Variants in GABRB1 observed in about 807,000 individuals in gnomAD.
GABRB1 encodes the protein gamma-aminobutyric acid type A receptor subunit beta1, also known as gamma-aminobutyric acid receptor subunit beta-1.
Under a neutral mutation model 51.6 loss-of-function variants are expected in GABRB1, and 17 were observed. That is an observed-to-expected ratio of 0.33 (90% CI 0.23 to 0.49). The LOEUF (loss-of-function observed/expected upper bound fraction) is 0.49, where lower values mean the gene tolerates loss of function less well. GABRB1 is among the 20% of genes least tolerant of loss of function. GABRB1 has a pLI of 0.99. For synonymous variants in GABRB1, 247 were observed against 218.9 expected, an observed-to-expected ratio of 1.13 and a Z score of -1.14; for missense variants, 410 against 600.6, an observed-to-expected ratio of 0.68 and a Z score of 3.32.
At chr4:47,281,225 A>T (rs1045444792) in intron 4 of GABRB1, among the ~76,000 whole-genome samples, 6 of 152,346 alleles carry the variant, frequency 3.9e-5, no homozygotes, top group Admixed American at 1.3e-4. Flanking sequence ...TGATTAAAAA[A>T]TGAACAAAAG....
chr4:47,154,375 G>T (rs1717598129), intron 3 of GABRB1, among the ~76,000 whole-genome samples: 1 of 148,812 alleles, frequency 6.7e-6, no homozygotes, highest in African/African-American at 2.5e-5. Context: ...GAATTCTTTT[G>T]CTGGCAAGTA....
intron 4 of GABRB1, among the ~76,000 whole-genome samples, chr4:47,189,581 A>G (rs866474248): frequency 6.6e-6 from 1 of 151,858 alleles, no homozygotes; most frequent in East Asian, 1.9e-4. Context: ...CTTATATTCT[A>G]TCCTTATTGA....
intron 3 of GABRB1, among the ~76,000 whole-genome samples, chr4:47,117,590 C>T (rs536572166): frequency 2.0e-5 from 3 of 152,172 alleles, no homozygotes; most frequent in Non-Finnish European, 4.4e-5. Flanking sequence ...TTGGTTCTAC[C>T]ACTTAATAGA....
intron 5 of GABRB1, among the ~76,000 whole-genome samples, chr4:47,354,577 T>C (rs1254613498): frequency 6.6e-6 from 1 of 152,134 alleles, no homozygotes; most frequent in East Asian, 1.9e-4. Context: ...CCTTTCATCT[T>C]AGGAATTTTT....
chr4:47,187,558 GCA>G (rs1177651266), intron 4 of GABRB1, among the ~76,000 whole-genome samples: 1 of 151,716 alleles, frequency 6.6e-6, no homozygotes, highest in African/African-American at 2.4e-5. Context: ...AAACAGACGT[GCA>G]CAATTTAGCG....
chr4:47,015,088 A>G (rs1724705773), intron 1 of GABRB1, among the ~76,000 whole-genome samples: 1 of 152,056 alleles, frequency 6.6e-6, no homozygotes, highest in Non-Finnish European at 1.5e-5. Context: ...TTGTATTTTT[A>G]GTAGAGACAG....
At chr4:47,330,911 T>A (rs1320011030) in intron 5 of GABRB1, among the ~76,000 whole-genome samples, 3 of 152,136 alleles carry the variant, frequency 2.0e-5, no homozygotes, top group Non-Finnish European at 4.4e-5. Flanking sequence ...CATTCTTACT[T>A]TTATTGCTGC....
chr4:47,315,124 T>G (rs1724836906), intron 4 of GABRB1, among the ~76,000 whole-genome samples: 1 of 151,878 alleles, frequency 6.6e-6, no homozygotes, highest in African/African-American at 2.4e-5. Flanking sequence ...GGAGAAAAAT[T>G]TTGCAAACTA....
At chr4:47,384,564 A>G (rs17653516) in intron 5 of GABRB1, among the ~76,000 whole-genome samples, 12,965 of 152,192 alleles carry the variant, frequency 0.085, 664 homozygotes, top group East Asian at 0.16. Flanking sequence ...ATAGTTTCCC[A>G]CATTGAGGAT....
At chr4:47,153,866 G>A (rs1439971469) in intron 3 of GABRB1, among the ~76,000 whole-genome samples, 1 of 151,970 alleles carries the variant, frequency 6.6e-6, no homozygotes, top group Non-Finnish European at 1.5e-5. Context: ...TATGTTCCCT[G>A]AAGCACACAC....
intron 8 of GABRB1, among the ~76,000 whole-genome samples, chr4:47,414,531 A>G (rs1307261293): frequency 6.6e-6 from 1 of 152,180 alleles, no homozygotes; most frequent in African/African-American, 2.4e-5. Flanking sequence ...ATAGAATGGG[A>G]GGCAGGTGTA....
intron 3 of GABRB1, among the ~76,000 whole-genome samples, chr4:47,070,015 T>C (rs1727253096): frequency 1.3e-5 from 2 of 151,612 alleles, no homozygotes; most frequent in African/African-American, 4.8e-5. Context: ...CCCTTCTTTT[T>C]CGTTGTTGCT....
intron 3 of GABRB1, among the ~76,000 whole-genome samples, chr4:47,152,566 C>G (rs1717507385): frequency 6.6e-6 from 1 of 152,040 alleles, no homozygotes; most frequent in African/African-American, 2.4e-5. Context: ...ACAACTTCAT[C>G]TGTCACTCAT....
At chr4:47,250,613 A>T (rs185654110) in intron 4 of GABRB1, among the ~76,000 whole-genome samples, 7 of 152,250 alleles carry the variant, frequency 4.6e-5, no homozygotes, top group African/African-American at 1.2e-4. Flanking sequence ...GTCATTTAAC[A>T]TAATCCCAGA....
intron 4 of GABRB1, among the ~76,000 whole-genome samples, chr4:47,240,279 C>T (rs1367137502): frequency 6.6e-6 from 1 of 152,194 alleles, no homozygotes; most frequent in African/African-American, 2.4e-5. Flanking sequence ...TAAAAGTGAG[C>T]TAATACGTCA....
chr4:47,133,992 T>G (rs1251343295), intron 3 of GABRB1, among the ~76,000 whole-genome samples: 1 of 152,244 alleles, frequency 6.6e-6, no homozygotes, highest in Non-Finnish European at 1.5e-5. Context: ...GGGAAAATAC[T>G]AATCTTTCAT....
intron 4 of GABRB1, among the ~76,000 whole-genome samples, chr4:47,279,534 C>A (rs1215420550): frequency 6.6e-6 from 1 of 152,084 alleles, no homozygotes; most frequent in Non-Finnish European, 1.5e-5. Context: ...TTTGATCCAC[C>A]TTCCATCCCC....
rs530612076 is a variant in GABRB1, at chr4:47,018,727, G to GA, written c.-19-13183dup. 2.6e-5 allele frequency among the ~76,000 whole-genome samples: 4 copies of GA among 152,250 alleles called. No individual in the cohort carries two copies. In the South Asian group the frequency reaches 8.3e-4, roughly 32 times the overall value. On this transcript the variant is annotated intron_variant, in intron 1 of 3. Transcript: ENST00000513567. ...GTGACTAAGAAAATCATAAGGAAGA[G>GA]AAAATATATTTATTATTCACTAAGT...
intron 4 of GABRB1, among the ~76,000 whole-genome samples, chr4:47,210,104 A>G (rs1274408860): frequency 2.0e-5 from 3 of 152,128 alleles, no homozygotes; most frequent in East Asian, 1.9e-4. Context: ...CATGACTCAA[A>G]TGATGTGTCA....
Sources: gnomAD v4.1 joint callset for allele counts (sites outside exome capture counted in the v4.1 genomes callset) on GRCh38, gnomAD v4.1.1 for gene constraint, MANE v1.5 for transcripts, NCBI Gene and HGNC (gene_info 2026-07-23, HGNC 2026-07-21) for gene names.